CDH13: variants seen among roughly 807,000 people sequenced by gnomAD.
CDH13 encodes the protein cadherin 13.
A neutral mutation model predicts 63.8 loss-of-function variants in CDH13; 24 were observed. That is an observed-to-expected ratio of 0.38 (90% confidence interval 0.27 to 0.53). The LOEUF is 0.53. Ranked by LOEUF, CDH13 falls within the 20% of genes least tolerant of loss-of-function variation. The pLI, the probability that CDH13 is intolerant of heterozygous loss-of-function variation, is 0.85. For synonymous variants in CDH13, 503 were observed against 355.3 expected (o/e 1.42, Z -4.67); for missense variants, 1,049 against 903.1 (o/e 1.16, Z -2.07).
At chr16:82,818,357 A>G (rs534145044) in intron 1 of CDH13, among the ~76,000 whole-genome samples, 31 of 152,362 alleles carry the variant, frequency 2.0e-4, no homozygotes, top group African/African-American at 6.5e-4. Context: ...ACTTTCTTCC[A>G]ATGCTTAAAA....
At chr16:83,627,411 G>T (rs1404470260) in intron 8 of CDH13, among the ~76,000 whole-genome samples, 1 of 152,220 alleles carries the variant, frequency 6.6e-6, no homozygotes, top group Non-Finnish European at 1.5e-5. Flanking sequence ...AGAGGCCTCT[G>T]ATCTGAATAG....
At chr16:82,861,249 T>G (rs912932531) in intron 2 of CDH13, among the ~76,000 whole-genome samples, 4 of 152,252 alleles carry the variant, frequency 2.6e-5, no homozygotes, top group Non-Finnish European at 5.9e-5. Context: ...TGTGCCCTAC[T>G]CATGACATTT....
intron 7 of CDH13, among the ~76,000 whole-genome samples, chr16:83,597,520 T>C (rs1907382817): frequency 6.6e-6 from 1 of 152,174 alleles, no homozygotes; most frequent in Admixed American, 6.5e-5. Flanking sequence ...TAACTATCAA[T>C]ATTTACCTCT....
intron 3 of CDH13, among the ~76,000 whole-genome samples, chr16:83,059,539 T>C (rs72796225): frequency 0.024 from 3,660 of 152,126 alleles, 135 homozygotes; most frequent in African/African-American, 0.079. Context: ...AGGTTTCTTA[T>C]GAGAGATTGA....
intron 8 of CDH13, among the ~76,000 whole-genome samples, chr16:83,621,419 G>C (rs1039161355): frequency 9.3e-5 from 13 of 140,184 alleles, no homozygotes; most frequent in Admixed American, 7.4e-5. Context: ...TTTCCACTCT[G>C]CTTGAACTTG....
chr16:82,885,090 G>A (rs2040836446), intron 2 of CDH13, among the ~76,000 whole-genome samples: 1 of 152,160 alleles, frequency 6.6e-6, no homozygotes, highest in African/African-American at 2.4e-5. Flanking sequence ...AGGGGATGTT[G>A]TTCAGCTCTT....
chr16:83,015,677 G>GTATGTATATA (rs1555562893), intron 2 of CDH13, among the ~76,000 whole-genome samples: 9 of 37,568 alleles, frequency 2.4e-4, no homozygotes, highest in South Asian at 3.0e-3. Context: ...GTGTGTGTAT[G>GTATGTATATA]TATATATATA....
At chr16:82,772,092 G>A (rs546882539) in intron 1 of CDH13, among the ~76,000 whole-genome samples, 10 of 152,252 alleles carry the variant, frequency 6.6e-5, no homozygotes, top group South Asian at 6.2e-4. Flanking sequence ...TGCTGGTGTC[G>A]GTTAGCAATG....
intron 1 of CDH13, among the ~76,000 whole-genome samples, chr16:82,851,697 G>C (rs2151153813): frequency 6.6e-6 from 1 of 151,816 alleles, no homozygotes; most frequent in South Asian, 2.1e-4. Flanking sequence ...GTGTGTGTGT[G>C]TGTGCATGCA....
At chr16:83,669,092 T>C (rs1196484469) in intron 8 of CDH13, among the ~76,000 whole-genome samples, 6 of 152,152 alleles carry the variant, frequency 3.9e-5, no homozygotes, top group Non-Finnish European at 7.4e-5. Flanking sequence ...CTGGGGAATC[T>C]GAATTGATCT....
At chr16:83,309,753 C>T (rs76343373) in intron 5 of CDH13, among the ~76,000 whole-genome samples, 10,643 of 152,274 alleles carry the variant, frequency 0.07, 525 homozygotes, top group Non-Finnish European at 0.11. Context: ...CTCATGAGGA[C>T]ATGAGCCTCA....
intron 5 of CDH13, among the ~76,000 whole-genome samples, chr16:83,236,765 A>G (rs1567528871): frequency 6.6e-6 from 1 of 152,150 alleles, no homozygotes. Context: ...AGCCATAAAA[A>G]GGAATAGAGT....
chr16:83,543,582 T>A (rs994971419), intron 7 of CDH13, among the ~76,000 whole-genome samples: 1 of 152,208 alleles, frequency 6.6e-6, no homozygotes, highest in Non-Finnish European at 1.5e-5. Context: ...GGTCTTTAGC[T>A]TCATATATCA....
At chr16:83,465,045 T>C (rs8050667) in intron 6 of CDH13, among the ~76,000 whole-genome samples, 78,663 of 152,076 alleles carry the variant, frequency 0.52, 20,753 homozygotes, top group Middle Eastern at 0.59. Flanking sequence ...TATTCATTCA[T>C]TTTTTCCACA....
At chr16:83,074,250 T>A (rs1400587966) in intron 3 of CDH13, among the ~76,000 whole-genome samples, 2 of 152,224 alleles carry the variant, frequency 1.3e-5, no homozygotes, top group Non-Finnish European at 2.9e-5. Context: ...TATTTCTCTT[T>A]CTGTGTCTGG....
intron 3 of CDH13, among the ~76,000 whole-genome samples, chr16:83,074,111 A>G (rs1286488569): frequency 6.6e-6 from 1 of 152,134 alleles, no homozygotes; most frequent in East Asian, 1.9e-4. Flanking sequence ...GCCTGTTTGT[A>G]CTTAACTAAT....
At chr16:83,066,239 C>T (rs945236941) in intron 3 of CDH13, among the ~76,000 whole-genome samples, 1 of 152,156 alleles carries the variant, frequency 6.6e-6, no homozygotes, top group Non-Finnish European at 1.5e-5. Flanking sequence ...TGACTAAGCT[C>T]TAGGGGAATC....
chr16:83,364,995 G>C (rs2091231554), intron 6 of CDH13, among the ~76,000 whole-genome samples: 1 of 152,170 alleles, frequency 6.6e-6, no homozygotes, highest in African/African-American at 2.4e-5. Context: ...TGGGTTGATA[G>C]GTGCAGCAAA....
intron 10 of CDH13, chr16:83,729,071 C>A (rs1342766398): frequency 1.3e-5 from 2 of 152,120 alleles, no homozygotes; most frequent in Admixed American, 1.3e-4. Context: ...GATCAGAGCT[C>A]CATCCTCATG....
Sources: gnomAD v4.1 joint callset for allele counts (sites outside exome capture counted in the v4.1 genomes callset) on GRCh38, gnomAD v4.1.1 for gene constraint, MANE v1.5 for transcripts, NCBI Gene and HGNC (gene_info 2026-07-23, HGNC 2026-07-21) for gene names.